Variants in ADAM12 observed in about 807,000 individuals in gnomAD.
The protein encoded by ADAM12 is ADAM metallopeptidase domain 12, also known as disintegrin and metalloproteinase domain-containing protein 12.
In ADAM12, 70 loss-of-function variants were observed where a neutral mutation model predicts 106.4. The observed-to-expected ratio is 0.66, with a 90% CI of 0.54 to 0.80. The LOEUF is 0.80. ADAM12 is among the 30% of genes least tolerant of loss of function. The pLI is 0.00. For missense variants in ADAM12, 1,010 were observed against 1,171.9 expected (o/e 0.86, Z 2.02); for synonymous variants, 420 against 433.5 (o/e 0.97, Z 0.39).
chr10:126,271,501 G>C (rs184483004), intron 3 of ADAM12, among the ~76,000 whole-genome samples: 3 of 152,336 alleles, frequency 2.0e-5, no homozygotes, highest in African/African-American at 7.2e-5. Flanking sequence ...AATTTTGGTG[G>C]AGAGCAGTAG....
intron 3 of ADAM12, among the ~76,000 whole-genome samples, chr10:126,268,206 C>T (rs753165950): frequency 6.6e-6 from 1 of 152,170 alleles, no homozygotes; most frequent in Non-Finnish European, 1.5e-5. Context: ...TCAAAGTACA[C>T]CTCATGTAAA....
rs1187943970 is a variant in ADAM12 at position 126,014,977 on chromosome 10, C to T, written c.*2302G>A. The T allele has an allele frequency of 6.6e-6, 1 of 152,140 alleles. No individual in the cohort carries two copies. The highest frequency in any genetic ancestry group is 1.5e-5 in the Non-Finnish European group (1 of 68,028). 9.4% of individuals were successfully genotyped at this position (152,140 alleles called of 1,614,324 possible). A position where few individuals can be genotyped will look rare whatever the true frequency, so the allele number is the denominator to read the frequency against. ...CTAAGTTATGTTAAAATGGAATTTG[C>T]TGCTAAATATGCTTCACTTGATAAA... On this transcript the variant is annotated 3_prime_UTR_variant, in exon 23 of 23. Transcript: ENST00000448723.
At chr10:126,334,636 C>G (rs577715272) in intron 1 of ADAM12, among the ~76,000 whole-genome samples, 2 of 152,196 alleles carry the variant, frequency 1.3e-5, no homozygotes, top group South Asian at 4.1e-4. Context: ...AAAGAAGAAA[C>G]CTCTCAAAGT....
At chr10:126,072,345 T>C (rs1414815321) in intron 11 of ADAM12, among the ~76,000 whole-genome samples, 2 of 152,160 alleles carry the variant, frequency 1.3e-5, no homozygotes, top group African/African-American at 4.8e-5. Flanking sequence ...CCTTCTGTGC[T>C]CTAGAAGGGC....
At chr10:126,042,179 C>T (rs368305706) in intron 18 of ADAM12, 28 of 1,613,718 alleles carry the variant, frequency 1.7e-5, no homozygotes, top group East Asian at 4.5e-5. Context: ...TGCGATCCCA[C>T]GGGCTCCTGG....
At chr10:126,352,764 C>A (rs976589211) in intron 1 of ADAM12, among the ~76,000 whole-genome samples, 1 of 152,180 alleles carries the variant, frequency 6.6e-6, no homozygotes, top group African/African-American at 2.4e-5. Flanking sequence ...GGGAAGTGAG[C>A]CTTGGAGGCT....
intron 3 of ADAM12, among the ~76,000 whole-genome samples, chr10:126,230,284 C>T (rs188602053): frequency 2.6e-5 from 4 of 152,304 alleles, no homozygotes; most frequent in Admixed American, 2.6e-4. Context: ...CTTATATTTC[C>T]TGCAGCTAAC....
At chr10:126,386,387 T>C (rs1270490191) in intron 1 of ADAM12, among the ~76,000 whole-genome samples, 1 of 152,200 alleles carries the variant, frequency 6.6e-6, no homozygotes, top group Non-Finnish European at 1.5e-5. Flanking sequence ...TCATTATATG[T>C]TTGGCGTTTT....
chr10:126,133,533 A>T (rs1285606000), intron 5 of ADAM12, among the ~76,000 whole-genome samples: 1 of 152,014 alleles, frequency 6.6e-6, no homozygotes, highest in African/African-American at 2.4e-5. Flanking sequence ...CACCTACCCA[A>T]GCCTCCGCTT....
intron 14 of ADAM12, among the ~76,000 whole-genome samples, chr10:126,061,163 C>T (rs1195226344): frequency 1.1e-4 from 17 of 152,240 alleles, no homozygotes; most frequent in Admixed American, 1.1e-3. Context: ...CTCTTACAGC[C>T]CGTTTTACAG....
intron 12 of ADAM12, among the ~76,000 whole-genome samples, chr10:126,069,299 A>G (rs929079712): frequency 1.3e-5 from 2 of 152,240 alleles, no homozygotes; most frequent in African/African-American, 4.8e-5. Context: ...AAAAAAAAGC[A>G]AATCTAAAAA....
chr10:126,024,518 G>A (rs997714966), intron 21 of ADAM12, among the ~76,000 whole-genome samples: 1 of 152,208 alleles, frequency 6.6e-6, no homozygotes, highest in Non-Finnish European at 1.5e-5. Flanking sequence ...TGAGCAAGGT[G>A]TAAAGCAATG....
chr10:126,194,456 T>C (rs1289890300), intron 3 of ADAM12, among the ~76,000 whole-genome samples: 1 of 152,162 alleles, frequency 6.6e-6, no homozygotes, highest in African/African-American at 2.4e-5. Context: ...CAGTGACAAA[T>C]AAAACGTGAT....
chr10:126,235,576 C>G (rs1440840014), intron 3 of ADAM12, among the ~76,000 whole-genome samples: 1 of 152,098 alleles, frequency 6.6e-6, no homozygotes, highest in Non-Finnish European at 1.5e-5. Context: ...CGAGCTATCT[C>G]ACGGGGCTGT....
intron 3 of ADAM12, among the ~76,000 whole-genome samples, chr10:126,211,551 T>C (rs1590626374): frequency 1.3e-5 from 2 of 152,276 alleles, no homozygotes; most frequent in African/African-American, 4.8e-5. Flanking sequence ...CATGTCATCC[T>C]GGACCCGCTA....
At chr10:126,225,411 G>A (rs1445908371) in intron 3 of ADAM12, among the ~76,000 whole-genome samples, 3 of 151,756 alleles carry the variant, frequency 2.0e-5, no homozygotes, top group African/African-American at 4.8e-5. Context: ...GAGGAAACAC[G>A]CCCAGAGAAG....
chr10:126,227,569 A>G (rs958532114), intron 3 of ADAM12, among the ~76,000 whole-genome samples: 2 of 152,098 alleles, frequency 1.3e-5, no homozygotes, highest in Non-Finnish European at 2.9e-5. Context: ...CTCAGTCCGC[A>G]CCAGACCCAC....
intron 20 of ADAM12, among the ~76,000 whole-genome samples, chr10:126,037,151 T>G (rs1026562279): frequency 1.3e-5 from 2 of 152,198 alleles, no homozygotes; most frequent in Non-Finnish European, 2.9e-5. Flanking sequence ...AGAATAATTA[T>G]CTAGAGATTC....
At position 126,250,468 on chromosome 10, in the gene ADAM12, C is replaced by T. The variant is rs372703673; in HGVS notation, c.260+28447G>A. 6.6e-5 allele frequency among the ~76,000 whole-genome samples: 10 copies of T among 152,232 alleles called. No homozygotes were observed. The South Asian group carries it at 2.1e-3, about 32-fold the overall frequency. On this transcript the variant is annotated intron_variant, in intron 3 of 22. Coordinates refer to ENST00000448723, the MANE Select transcript of ADAM12 (RefSeq NM_001288973.2). ...TTAGGCAGGGAATATTCTGACCTGG[C>T]CCTGCTCGTTTATCGTATCTTAAGT... is the stretch of plus-strand genomic sequence containing the variant.
Sources: allele counts gnomAD v4.1 joint callset (sites outside exome capture counted in the v4.1 genomes callset), GRCh38; gene constraint gnomAD v4.1.1; transcripts MANE v1.5; gene names NCBI Gene and HGNC (gene_info 2026-07-23, HGNC 2026-07-21).